MED27: variants seen among roughly 807,000 people sequenced by gnomAD.
MED27 encodes mediator of RNA polymerase II transcription subunit 27.
Under a neutral mutation model 38.2 loss-of-function variants are expected in MED27, and 30 were observed. The ratio of observed to expected loss-of-function variants is 0.79; its 90% CI spans 0.59 to 1.07. MED27 has a LOEUF of 1.07. MED27 is among the 50% of genes least tolerant of loss of function. MED27 has a pLI of 0.00. For synonymous variants in MED27, 122 were observed against 153.5 expected (o/e 0.79, Z 1.52); for missense variants, 289 against 397.5 (o/e 0.73, Z 2.32).
In MED27 at chr9:131,987,952, G is replaced by A. The variant is rs566874513; in HGVS notation, c.479+26385C>T. ...TTCCACAAAGAGAGTGTGCTCCAAG[G>A]TCCAATGCAGCAAAAACTGTCTGAA... On this transcript the variant is annotated intron_variant, in intron 3 of 7. Transcript: ENST00000292035. 8.5e-5 allele frequency among the ~76,000 whole-genome samples: 13 copies of A among 152,310 alleles called. No individual in the cohort carries two copies. In the South Asian group the frequency reaches 2.3e-3, roughly 27 times the overall value.
chr9:132,053,679 C>T (rs901978102), intron 2 of MED27, among the ~76,000 whole-genome samples: 3 of 152,122 alleles, frequency 2.0e-5, no homozygotes, highest in African/African-American at 7.2e-5. Context: ...GCGTCCAGAC[C>T]CAGCTTGGTA....
chr9:132,023,574 T>C lies in MED27; in HGVS notation c.349-9107A>G, dbSNP rs145120599. 1.5e-3 allele frequency among the ~76,000 whole-genome samples: 225 copies of C among 152,232 alleles called. 1 individual carries two copies. Among genetic ancestry groups the C allele is most frequent in the African/African-American group, 5.3e-3 (219 of 41,532 alleles). On this transcript the variant is annotated intron_variant, in intron 2 of 7. Transcript: ENST00000292035. The stretch of plus-strand genomic sequence containing the variant: ...TCATTATGGTCAGATGCAGCCCCAT[T>C]AGCCTCCTTGGCTTCCCTCCATAAA...
chr9:132,052,761 A>G (rs1015759176), intron 2 of MED27, among the ~76,000 whole-genome samples: 4 of 151,360 alleles, frequency 2.6e-5, no homozygotes, highest in Non-Finnish European at 5.9e-5. Context: ...AAGTGAGAGC[A>G]TGCAGTACTT....
intron 6 of MED27, among the ~76,000 whole-genome samples, chr9:131,874,404 G>A (rs1023692532): frequency 7.2e-5 from 11 of 152,206 alleles, no homozygotes; most frequent in Non-Finnish European, 1.5e-4. Context: ...TCCTCCCTGG[G>A]CCTAGCTCAG....
Position 132,014,612 on chromosome 9 carries a change from C to T in MED27, c.349-145G>A, listed in dbSNP as rs1006094702. 6.0e-5 allele frequency: 48 copies of T among 802,882 alleles called. No individual in the cohort carries two copies. The East Asian group carries it at 8.3e-4, about 14-fold the overall frequency. The allele number at this position is 802,882 out of a possible 1,614,324, so 49.7% of individuals were successfully genotyped here. A position where few individuals can be genotyped will look rare whatever the true frequency, so the allele number is the denominator to read the frequency against. ...AAATACAACTGCTCACATTCTGCTTCAAGGAATTTACCCATAAAAAGATAA... is the reference window on the plus strand; with the variant it reads ...AAATACAACTGCTCACATTCTGCTTTAAGGAATTTACCCATAAAAAGATAA... On this transcript the variant is annotated intron_variant, in intron 2 of 7. Transcript: ENST00000292035.
intron 2 of MED27, among the ~76,000 whole-genome samples, chr9:132,075,965 A>AG (rs1834038249): frequency 6.6e-6 from 1 of 152,206 alleles, no homozygotes; most frequent in Non-Finnish European, 1.5e-5. Flanking sequence ...TGAGGATCCC[A>AG]CCCACGGGTG....
chr9:132,001,619 A>G (rs1832235904), intron 3 of MED27, among the ~76,000 whole-genome samples: 1 of 152,214 alleles, frequency 6.6e-6, no homozygotes. Context: ...AGGTCAGGAA[A>G]ATGATTGGCA....
At chr9:131,961,811 T>C (rs979028620) in intron 3 of MED27, among the ~76,000 whole-genome samples, 4 of 152,328 alleles carry the variant, frequency 2.6e-5, no homozygotes, top group African/African-American at 9.6e-5. Flanking sequence ...GCTCTCTCTC[T>C]CTCTGAAAGA....
At chr9:132,048,317 C>T (rs906951049) in intron 2 of MED27, among the ~76,000 whole-genome samples, 8 of 152,162 alleles carry the variant, frequency 5.3e-5, no homozygotes, top group Admixed American at 3.9e-4. Context: ...CTCAATTACT[C>T]GTTTCCAGTC....
At chr9:132,027,172 C>T (rs928730080) in intron 2 of MED27, among the ~76,000 whole-genome samples, 6 of 152,202 alleles carry the variant, frequency 3.9e-5, no homozygotes, top group Admixed American at 2.0e-4. Flanking sequence ...GGGGATCTAA[C>T]GACTGCTCTT....
At chr9:132,028,776 A>T (rs983588312) in intron 2 of MED27, among the ~76,000 whole-genome samples, 1 of 152,196 alleles carries the variant, frequency 6.6e-6, no homozygotes, top group Admixed American at 6.5e-5. Context: ...TCATCTACAG[A>T]GTGCTTGCCA....
intron 3 of MED27, among the ~76,000 whole-genome samples, chr9:131,995,235 C>T (rs1832064975): frequency 6.6e-6 from 1 of 152,072 alleles, no homozygotes; most frequent in Non-Finnish European, 1.5e-5. Context: ...TGTCATCACC[C>T]ACCATGGAAA....
chr9:131,906,370 C>T (rs117948295), intron 4 of MED27, among the ~76,000 whole-genome samples: 2 of 152,358 alleles, frequency 1.3e-5, no homozygotes, highest in East Asian at 1.9e-4. Context: ...AAGACAAGGT[C>T]ATCCATGCCC....
chr9:131,930,738 C>T (rs987945882), intron 4 of MED27, among the ~76,000 whole-genome samples: 4 of 152,144 alleles, frequency 2.6e-5, no homozygotes, highest in South Asian at 2.1e-4. Flanking sequence ...ACTGTAATTG[C>T]GCTGTGAAAA....
intron 6 of MED27, among the ~76,000 whole-genome samples, chr9:131,879,641 A>G (rs1168610638): frequency 3.3e-5 from 5 of 152,216 alleles, no homozygotes; most frequent in African/African-American, 1.2e-4. Flanking sequence ...AGCATCCTCC[A>G]GCATGTCATG....
intron 2 of MED27, among the ~76,000 whole-genome samples, chr9:132,019,861 A>G (rs1295460829): frequency 3.9e-5 from 6 of 152,156 alleles, no homozygotes; most frequent in Admixed American, 3.9e-4. Context: ...CCACGTTCCC[A>G]TCACCAGCCT....
chr9:131,915,452 C>T (rs1007044885), intron 4 of MED27, among the ~76,000 whole-genome samples: 2 of 152,086 alleles, frequency 1.3e-5, no homozygotes, highest in African/African-American at 4.8e-5. Flanking sequence ...GGAATCCTAA[C>T]TAAAAACGTA....
At chr9:132,062,028 G>A (rs1833708237) in intron 2 of MED27, among the ~76,000 whole-genome samples, 1 of 152,218 alleles carries the variant, frequency 6.6e-6, no homozygotes. Flanking sequence ...GGAGACACAG[G>A]AGTTAGTAGT....
intron 3 of MED27, among the ~76,000 whole-genome samples, chr9:132,010,105 A>G (rs2131070500): frequency 6.6e-6 from 1 of 152,286 alleles, no homozygotes; most frequent in East Asian, 1.9e-4. Flanking sequence ...CTTTGTTGCC[A>G]TTGCTTCTGG....
Sources: gnomAD v4.1 joint callset for allele counts (sites outside exome capture counted in the v4.1 genomes callset) on GRCh38, gnomAD v4.1.1 for gene constraint, MANE v1.5 for transcripts, NCBI Gene and HGNC (gene_info 2026-07-23, HGNC 2026-07-21) for gene names.